SYT1: variants seen among roughly 807,000 people sequenced by gnomAD.
SYT1 encodes the protein synaptotagmin 1, also known as synaptotagmin-1.
A neutral mutation model predicts 44.8 loss-of-function variants in SYT1; 8 were observed. The ratio of observed to expected loss-of-function variants is 0.18; its 90% CI spans 0.10 to 0.32. The LOEUF is 0.32. SYT1 is among the 10% of genes least tolerant of loss of function. SYT1 has a pLI of 1.00. For synonymous variants in SYT1, 154 were observed against 188.8 expected (o/e 0.82, Z 1.51); for missense variants, 286 against 509.3 (o/e 0.56, Z 4.22).
intron 1 of SYT1, among the ~76,000 whole-genome samples, chr12:78,881,464 T>C (rs1277700293): frequency 6.6e-6 from 1 of 151,774 alleles, no homozygotes; most frequent in Non-Finnish European, 1.5e-5. Context: ...GTCTTATTCT[T>C]TGTATTCCCA....
chr12:78,894,265 T>C (rs1875218919), intron 1 of SYT1, among the ~76,000 whole-genome samples: 1 of 150,400 alleles, frequency 6.6e-6, no homozygotes, highest in African/African-American at 2.4e-5. Context: ...TTATAGTACT[T>C]CGATTGTATC....
intron 9 of SYT1, among the ~76,000 whole-genome samples, chr12:79,359,586 G>T (rs1592998676): frequency 6.6e-6 from 1 of 152,238 alleles, no homozygotes; most frequent in African/African-American, 2.4e-5. Context: ...GGGAACAGGG[G>T]ACTCGTGGTG....
intron 9 of SYT1, among the ~76,000 whole-genome samples, chr12:79,358,773 C>T (rs1004003072): frequency 1.3e-5 from 2 of 152,114 alleles, no homozygotes; most frequent in Admixed American, 6.6e-5. Flanking sequence ...AAAGCCGAAA[C>T]ATCAAGATGA....
intron 1 of SYT1, among the ~76,000 whole-genome samples, chr12:78,912,358 C>T (rs1876388034): frequency 6.6e-6 from 1 of 151,418 alleles, no homozygotes; most frequent in Admixed American, 6.6e-5. Flanking sequence ...AAGGCTATGT[C>T]AGAATGAATA....
At chr12:79,007,602 A>T (rs1362926521) in intron 2 of SYT1, among the ~76,000 whole-genome samples, 87 of 152,132 alleles carry the variant, frequency 5.7e-4, no homozygotes, top group Non-Finnish European at 8.8e-5. Flanking sequence ...TTAATAGATC[A>T]TTTGAACTCA....
chr12:79,424,706 T>A (rs1869328487), intron 9 of SYT1, among the ~76,000 whole-genome samples: 1 of 152,156 alleles, frequency 6.6e-6, no homozygotes, highest in Non-Finnish European at 1.5e-5. Flanking sequence ...CTAAACACAC[T>A]ATGACTACTT....
chr12:79,378,422 C>T (rs1884087027), intron 9 of SYT1, among the ~76,000 whole-genome samples: 1 of 152,152 alleles, frequency 6.6e-6, no homozygotes, highest in Non-Finnish European at 1.5e-5. Context: ...TTTGATTCTT[C>T]TTACTACCAA....
At chr12:79,220,895 T>C (rs1875119692) in intron 4 of SYT1, among the ~76,000 whole-genome samples, 4 of 152,182 alleles carry the variant, frequency 2.6e-5, no homozygotes, top group Non-Finnish European at 5.9e-5. Flanking sequence ...GAGAAGAATG[T>C]GTATTCTGTA....
intron 1 of SYT1, among the ~76,000 whole-genome samples, chr12:78,911,605 G>GA (rs992326154): frequency 6.6e-6 from 1 of 151,760 alleles, no homozygotes; most frequent in African/African-American, 2.4e-5. Flanking sequence ...CCTAAAAACT[G>GA]AAAAATGTCT....
In SYT1 at chr12:79,275,470, C is replaced by A. The variant is rs138887885; in HGVS notation, c.167-10317C>A. On this transcript the variant is annotated intron_variant, in intron 4 of 10. Transcript: ENST00000261205. ...CAGGCTTGCAAGAGGGGTGGAGTTC[C>A]ACTCCCCCTCTACATGAATATCAGT... Among the ~76,000 whole-genome samples the A allele has an allele frequency of 4.4e-3, 669 of 152,138 alleles. 1 individual carries two copies. The highest frequency in any genetic ancestry group is 0.015 in the African/African-American group (636 of 41,504).
chr12:78,947,901 T>A (rs4578460), intron 1 of SYT1, among the ~76,000 whole-genome samples: 23,074 of 151,794 alleles, frequency 0.15, 2,072 homozygotes, highest in East Asian at 0.3. Flanking sequence ...AACATTTTAA[T>A]AAATATTTTA....
intron 9 of SYT1, among the ~76,000 whole-genome samples, chr12:79,426,477 T>C (rs573215638): frequency 1.4e-4 from 22 of 152,218 alleles, no homozygotes; most frequent in Non-Finnish European, 2.8e-4. Flanking sequence ...AGAAGAATGA[T>C]GTGGAATAAC....
Position 79,144,547 on chromosome 12 carries a change from A to C in SYT1, c.-17-72956A>C, listed in dbSNP as rs150119087. ...CCATGGCCCAGGATGTACAATTCCCATTTACAAACAAACTGGGCTAGACAG... is the reference window on the plus strand; with the variant it reads ...CCATGGCCCAGGATGTACAATTCCCCTTTACAAACAAACTGGGCTAGACAG... On this transcript the variant is annotated intron_variant, in intron 3 of 10. Transcript: ENST00000261205. Among the ~76,000 whole-genome samples the C allele has an allele frequency of 8.7e-4, 133 of 152,294 alleles. No homozygotes were observed. The East Asian group carries it at 0.021, about 24-fold the overall frequency.
intron 9 of SYT1, among the ~76,000 whole-genome samples, chr12:79,410,212 A>G (rs1479103598): frequency 6.6e-6 from 1 of 152,196 alleles, no homozygotes; most frequent in Non-Finnish European, 1.5e-5. Flanking sequence ...TAGGCTGATC[A>G]TGTATATTCA....
At chr12:79,021,533 A>G (rs1351492532) in intron 2 of SYT1, among the ~76,000 whole-genome samples, 3 of 151,876 alleles carry the variant, frequency 2.0e-5, no homozygotes, top group Non-Finnish European at 2.9e-5. Flanking sequence ...TGAAAATAGT[A>G]TCATAGCATC....
At chr12:79,294,908 T>C (rs966808426) in intron 6 of SYT1, among the ~76,000 whole-genome samples, 2 of 151,890 alleles carry the variant, frequency 1.3e-5, no homozygotes, top group Non-Finnish European at 2.9e-5. Flanking sequence ...AAAAAAGATA[T>C]TGAAGCATTA....
At chr12:79,305,949 G>A (rs540134190) in intron 8 of SYT1, among the ~76,000 whole-genome samples, 3 of 152,132 alleles carry the variant, frequency 2.0e-5, no homozygotes, top group African/African-American at 7.2e-5. Context: ...CACCCACCTC[G>A]GCCTCCCAAA....
At chr12:79,220,877 G>A (rs931289065) in intron 4 of SYT1, among the ~76,000 whole-genome samples, 1 of 152,140 alleles carries the variant, frequency 6.6e-6, no homozygotes, top group Non-Finnish European at 1.5e-5. Context: ...AATGTTTCAT[G>A]TGCAGTTGAG....
At chr12:79,229,455 A>G (rs1167382240) in intron 4 of SYT1, among the ~76,000 whole-genome samples, 1 of 152,068 alleles carries the variant, frequency 6.6e-6, no homozygotes, top group Non-Finnish European at 1.5e-5. Context: ...TTTAGTTTAT[A>G]ATTTTAGTTT....
Sources: gnomAD v4.1 joint callset for allele counts (sites outside exome capture counted in the v4.1 genomes callset) on GRCh38, gnomAD v4.1.1 for gene constraint, MANE v1.5 for transcripts, NCBI Gene and HGNC (gene_info 2026-07-23, HGNC 2026-07-21) for gene names.